Variants in GALNT13 observed in about 807,000 individuals in gnomAD.
GALNT13 encodes the protein UDP-GalNAc:polypeptide N-acetylgalactosaminyltransferase 13.
GALNT13 carries 28 observed loss-of-function variants against 64.2 expected under a neutral mutation model. The ratio of observed to expected loss-of-function variants is 0.44; its 90% confidence interval spans 0.32 to 0.60. The LOEUF (loss-of-function observed/expected upper bound fraction) is 0.60, where lower values mean the gene tolerates loss of function less well. Among genes scored for constraint, GALNT13 ranks in the 20% least tolerant of loss-of-function variants. GALNT13 has a pLI of 0.05. For synonymous variants in GALNT13, 214 were observed against 224.6 expected, an observed-to-expected ratio of 0.95 and a Z score of 0.42; for missense variants, 577 against 669.8, an observed-to-expected ratio of 0.86 and a Z score of 1.53.
At chr2:153,630,805 A>ATTTATT in the GALNT13 span, among the ~76,000 whole-genome samples, 2 of 15,006 alleles carry the variant, frequency 1.3e-4, no homozygotes, top group Non-Finnish European at 2.4e-4. Context: ...ATATATATAT[A>ATTTATT]TATTTTTTTT....
chr2:154,065,819 C>A (rs1700434141), intron 3 of GALNT13, among the ~76,000 whole-genome samples: 1 of 152,156 alleles, frequency 6.6e-6, no homozygotes, highest in African/African-American at 2.4e-5. Flanking sequence ...AATGCCCAGA[C>A]ACTGACAAAT....
the GALNT13 span, among the ~76,000 whole-genome samples, chr2:153,140,676 A>G: frequency 1.3e-5 from 2 of 152,040 alleles, no homozygotes; most frequent in Admixed American, 6.6e-5. Flanking sequence ...TGTAAAACAT[A>G]TGTTAACCAC....
At chr2:153,850,228 A>G in the GALNT13 span, among the ~76,000 whole-genome samples, 1 of 151,982 alleles carries the variant, frequency 6.6e-6, no homozygotes, top group African/African-American at 2.4e-5. Flanking sequence ...GAAATGAAAC[A>G]TAGAGAACAA....
At chr2:153,251,108 G>T in the GALNT13 span, among the ~76,000 whole-genome samples, 1 of 152,090 alleles carries the variant, frequency 6.6e-6, no homozygotes, top group South Asian at 2.1e-4. Flanking sequence ...GTCCAAAAAT[G>T]ACATTTGGCT....
At chr2:153,256,827 G>A in the GALNT13 span, among the ~76,000 whole-genome samples, 223 of 152,318 alleles carry the variant, frequency 1.5e-3, no homozygotes, top group African/African-American at 5.2e-3. Context: ...CTCCAGCTGT[G>A]TGCTGGGAGA....
chr2:153,457,387 AT>A, the GALNT13 span, among the ~76,000 whole-genome samples: 2 of 152,244 alleles, frequency 1.3e-5, no homozygotes, highest in African/African-American at 4.8e-5. Context: ...CTAGAGATAT[AT>A]CATCCGTTCT....
intron 4 of GALNT13, among the ~76,000 whole-genome samples, chr2:154,166,634 C>A (rs558432043): frequency 2.6e-5 from 4 of 152,250 alleles, no homozygotes; most frequent in East Asian, 1.9e-4. Flanking sequence ...TGGGTATATA[C>A]CCAAAGGATT....
At chr2:154,213,405 G>A (rs1687881308) in intron 4 of GALNT13, among the ~76,000 whole-genome samples, 1 of 152,144 alleles carries the variant, frequency 6.6e-6, no homozygotes, top group African/African-American at 2.4e-5. Flanking sequence ...TGAAGTTAAG[G>A]TGGTCAAATG....
the GALNT13 span, among the ~76,000 whole-genome samples, chr2:153,668,320 A>G: frequency 5.9e-5 from 9 of 152,182 alleles, no homozygotes; most frequent in Non-Finnish European, 5.9e-5. Context: ...TCTCATCTGT[A>G]TGTGACACAT....
the GALNT13 span, among the ~76,000 whole-genome samples, chr2:153,800,397 A>C: frequency 1.3e-5 from 2 of 152,148 alleles, no homozygotes; most frequent in South Asian, 2.1e-4. Flanking sequence ...CTGCTTACTG[A>C]TCAGGGTGGT....
At position 154,255,008 on chromosome 2, in the gene GALNT13, G is replaced by A. The variant is rs867751074; in HGVS notation, c.858-4013G>A. Among the ~76,000 whole-genome samples the A allele has an allele frequency of 4.6e-5, 7 of 152,232 alleles. No homozygotes were observed. The Middle Eastern group carries it at 0.014, about 296-fold the overall frequency. On this transcript the variant is annotated intron_variant, in intron 7 of 12. Transcript: ENST00000392825. ...TATTATAATGGTATATTGCACCCAC[G>A]TGATAGATATGAAACTAAGAGCTTG...
At chr2:154,263,420 C>T (rs957465217) in intron 8 of GALNT13, among the ~76,000 whole-genome samples, 1 of 152,152 alleles carries the variant, frequency 6.6e-6, no homozygotes, top group Non-Finnish European at 1.5e-5. Context: ...AGCTGTGCAA[C>T]TCTGGGCAAG....
intron 3 of GALNT13, among the ~76,000 whole-genome samples, chr2:153,947,132 A>C (rs72865057): frequency 6.6e-6 from 1 of 151,936 alleles, no homozygotes; most frequent in Non-Finnish European, 1.5e-5. Context: ...ATTAACATAC[A>C]CTGTTAATGA....
At chr2:154,228,577 A>G (rs1039825651) in intron 4 of GALNT13, among the ~76,000 whole-genome samples, 1 of 152,186 alleles carries the variant, frequency 6.6e-6, no homozygotes, top group African/African-American at 2.4e-5. Context: ...CAGAAAGCCA[A>G]TGACTGAGAA....
chr2:153,550,395 C>T, the GALNT13 span, among the ~76,000 whole-genome samples: 1 of 151,648 alleles, frequency 6.6e-6, no homozygotes, highest in Non-Finnish European at 1.5e-5. Context: ...CCGCCACACT[C>T]AGCTATTTTT....
chr2:154,349,078 G>A (rs1479402538), intron 9 of GALNT13, among the ~76,000 whole-genome samples: 2 of 152,166 alleles, frequency 1.3e-5, no homozygotes, highest in Non-Finnish European at 2.9e-5. Context: ...CATATGTGCT[G>A]TATTAATCAA....
At chr2:153,115,497 C>G in the GALNT13 span, among the ~76,000 whole-genome samples, 1 of 152,138 alleles carries the variant, frequency 6.6e-6, no homozygotes, top group Non-Finnish European at 1.5e-5. Flanking sequence ...ACTCAAAGCT[C>G]TCATCAAAAT....
chr2:154,425,072 C>G (rs1700414577), intron 11 of GALNT13, among the ~76,000 whole-genome samples: 1 of 152,082 alleles, frequency 6.6e-6, no homozygotes, highest in Non-Finnish European at 1.5e-5. Context: ...GAGTTGTAAA[C>G]AATACATAAG....
chr2:153,172,860 C>T, the GALNT13 span, among the ~76,000 whole-genome samples: 23 of 152,036 alleles, frequency 1.5e-4, no homozygotes, highest in Non-Finnish European at 2.8e-4. Flanking sequence ...CTAAAACAAA[C>T]ATTATTCATT....
Sources: allele counts gnomAD v4.1 joint callset (sites outside exome capture counted in the v4.1 genomes callset), GRCh38; gene constraint gnomAD v4.1.1; transcripts MANE v1.5; gene names NCBI Gene and HGNC (gene_info 2026-07-23, HGNC 2026-07-21).